The following PDE4B variants were observed in gnomAD, a reference collection of about 807,000 sequenced individuals.
PDE4B encodes the protein 3',5'-cyclic-AMP phosphodiesterase 4B.
In PDE4B, 20 loss-of-function variants were observed where a neutral mutation model predicts 82.2. That is an observed-to-expected ratio of 0.24 (90% CI 0.17 to 0.35). PDE4B has a LOEUF of 0.35. Among genes scored for constraint, PDE4B ranks in the 10% least tolerant of loss-of-function variants. The probability of loss-of-function intolerance (pLI) is 1.00; values close to 1 mark genes in which losing one functional copy is unlikely to be tolerated. For missense variants in PDE4B, 655 were observed against 907.2 expected, an observed-to-expected ratio of 0.72 and a Z score of 3.57; for synonymous variants, 320 against 318.9, an observed-to-expected ratio of 1.00 and a Z score of -0.04.
chr1:66,007,451 C>A lies in PDE4B; in HGVS notation c.281+88616C>A, dbSNP rs891527112. On this transcript the variant is annotated intron_variant, in intron 3 of 16. Transcript: ENST00000341517. ...AGAACAAGAAAAACGAACAAAACAA[C>A]CCCCCCCAACCAAAACCAAACAAAT... Among the ~76,000 whole-genome samples the A allele has an allele frequency of 6.7e-5, 10 of 150,046 alleles. No individual in the cohort carries two copies. In the East Asian group the frequency reaches 9.8e-4, roughly 15 times the overall value.
At chr1:66,122,947 C>T (rs1318892292) in intron 3 of PDE4B, among the ~76,000 whole-genome samples, 1 of 151,892 alleles carries the variant, frequency 6.6e-6, no homozygotes, top group Non-Finnish European at 1.5e-5. Context: ...CTCAGGGGAT[C>T]TGTCTGCCTC....
Position 66,247,658 on chromosome 1 carries a change from A to T in PDE4B, c.476+4A>T. 1.3e-6 allele frequency: 2 copies of T among 1,575,146 alleles called. No homozygotes were observed. ...ACTCTTCTCTTCCAAGCGAGCAGTA[A>T]GTACAAGCTCTGTCTGGCTTCCAGT... is the stretch of plus-strand genomic sequence containing the variant. On this transcript the variant is annotated splice_donor_region_variant and intron_variant, in intron 4 of 16. Coordinates refer to ENST00000341517, the MANE Select transcript of PDE4B (RefSeq NM_002600.4).
At chr1:66,115,609 C>A (rs1293277057) in intron 3 of PDE4B, among the ~76,000 whole-genome samples, 1 of 152,182 alleles carries the variant, frequency 6.6e-6, no homozygotes, top group Non-Finnish European at 1.5e-5. Flanking sequence ...ATATAGAATG[C>A]CAGACTATGG....
chr1:66,299,848 G>GTT (rs1657761312), intron 7 of PDE4B, among the ~76,000 whole-genome samples: 1 of 152,078 alleles, frequency 6.6e-6, no homozygotes, highest in Non-Finnish European at 1.5e-5. Flanking sequence ...TGTGTTGAGA[G>GTT]TTTTTATCAT....
At chr1:66,068,317 A>C (rs2100918609) in intron 3 of PDE4B, among the ~76,000 whole-genome samples, 1 of 152,094 alleles carries the variant, frequency 6.6e-6, no homozygotes, top group Non-Finnish European at 1.5e-5. Flanking sequence ...GCAGGCGTTG[A>C]AAGAGAAAAA....
At chr1:66,033,496 C>T (rs964653714) in intron 3 of PDE4B, among the ~76,000 whole-genome samples, 9 of 152,140 alleles carry the variant, frequency 5.9e-5, no homozygotes, top group Non-Finnish European at 1.5e-5. Context: ...ACTACTAACT[C>T]CCAGGACCAG....
At chr1:66,307,289 C>T (rs961182611) in intron 7 of PDE4B, among the ~76,000 whole-genome samples, 5 of 152,052 alleles carry the variant, frequency 3.3e-5, no homozygotes, top group Non-Finnish European at 5.9e-5. Flanking sequence ...AATAAATGCA[C>T]ATGTAGGTAG....
At chr1:65,864,228 C>G (rs1646485735) in intron 1 of PDE4B, among the ~76,000 whole-genome samples, 1 of 151,914 alleles carries the variant, frequency 6.6e-6, no homozygotes, top group Non-Finnish European at 1.5e-5. Flanking sequence ...TTATGTTCTT[C>G]TCTAAACTGG....
At chr1:66,048,713 C>T (rs1465219100) in intron 3 of PDE4B, 1 of 151,922 alleles carries the variant, frequency 6.6e-6, no homozygotes, top group Non-Finnish European at 1.5e-5. Flanking sequence ...TCTTCTGATT[C>T]ACAGCCTATT....
At chr1:65,864,978 C>T (rs1275265099) in intron 1 of PDE4B, among the ~76,000 whole-genome samples, 1 of 152,208 alleles carries the variant, frequency 6.6e-6, no homozygotes, top group Non-Finnish European at 1.5e-5. Context: ...AAGCTGCGCC[C>T]ACAACCGCCC....
intron 3 of PDE4B, among the ~76,000 whole-genome samples, chr1:65,972,549 C>T (rs184840413): frequency 9.2e-5 from 14 of 152,088 alleles, no homozygotes; most frequent in Admixed American, 2.6e-4. Flanking sequence ...CTTTCTTTGA[C>T]GGAAAGTAGT....
At chr1:65,994,089 T>C (rs1448258128) in intron 3 of PDE4B, among the ~76,000 whole-genome samples, 2 of 152,156 alleles carry the variant, frequency 1.3e-5, no homozygotes, top group East Asian at 1.9e-4. Flanking sequence ...ATAGGGAGCA[T>C]GTACATTTTA....
At chr1:65,896,917 T>C (rs1181704963) in intron 1 of PDE4B, among the ~76,000 whole-genome samples, 12 of 152,064 alleles carry the variant, frequency 7.9e-5, no homozygotes, top group Admixed American at 7.2e-4. Flanking sequence ...TGTAAGGTAT[T>C]GTTATTTCTA....
At chr1:66,235,639 A>G (rs984151066) in intron 3 of PDE4B, among the ~76,000 whole-genome samples, 12 of 152,288 alleles carry the variant, frequency 7.9e-5, no homozygotes, top group Admixed American at 7.8e-4. Flanking sequence ...ATGCTTTTTT[A>G]ATCCATCTTG....
intron 3 of PDE4B, among the ~76,000 whole-genome samples, chr1:65,934,085 A>G (rs1260124265): frequency 1.3e-5 from 2 of 152,186 alleles, no homozygotes; most frequent in African/African-American, 2.4e-5. Context: ...TGTAAGCCCC[A>G]TAGTGGCCAC....
intron 3 of PDE4B, among the ~76,000 whole-genome samples, chr1:65,932,690 C>A (rs1396863430): frequency 6.6e-6 from 1 of 152,022 alleles, no homozygotes; most frequent in Non-Finnish European, 1.5e-5. Flanking sequence ...TGAAGATGTT[C>A]ACCAAAACCA....
intron 7 of PDE4B, among the ~76,000 whole-genome samples, chr1:66,325,035 A>G (rs1659646603): frequency 6.6e-6 from 1 of 152,222 alleles, no homozygotes; most frequent in African/African-American, 2.4e-5. Context: ...CAGTAGCCTC[A>G]ACCTAACACC....
At chr1:66,323,854 T>C (rs2101896943) in intron 7 of PDE4B, among the ~76,000 whole-genome samples, 1 of 152,292 alleles carries the variant, frequency 6.6e-6, no homozygotes, top group Non-Finnish European at 1.5e-5. Flanking sequence ...CTCTATATCC[T>C]TCATAAATAT....
chr1:66,142,536 A>G (rs955498890), intron 3 of PDE4B, among the ~76,000 whole-genome samples: 4 of 152,210 alleles, frequency 2.6e-5, no homozygotes, highest in African/African-American at 9.7e-5. Context: ...GCAGTGTTAG[A>G]AAGCAAGCAT....
Sources: allele counts gnomAD v4.1 joint callset (sites outside exome capture counted in the v4.1 genomes callset), GRCh38; gene constraint gnomAD v4.1.1; transcripts MANE v1.5; gene names NCBI Gene and HGNC (gene_info 2026-07-23, HGNC 2026-07-21).